CNTNAP2: variants seen among roughly 807,000 people sequenced by gnomAD.
CNTNAP2 encodes the protein contactin associated protein 2, also known as contactin-associated protein-like 2.
CNTNAP2 carries 98 observed loss-of-function variants against 155.2 expected under a neutral mutation model. That is an observed-to-expected ratio of 0.63 (90% CI 0.54 to 0.75). CNTNAP2 has a LOEUF of 0.75. CNTNAP2 is among the 30% of genes least tolerant of loss of function. The pLI is 0.00. For missense variants in CNTNAP2, 1,727 were observed against 1,688.1 expected (o/e 1.02, Z -0.40); for synonymous variants, 651 against 631.2 (o/e 1.03, Z -0.47).
chr7:146,160,948 C>T (rs1798212077), intron 1 of CNTNAP2, among the ~76,000 whole-genome samples: 1 of 152,140 alleles, frequency 6.6e-6, no homozygotes, highest in Non-Finnish European at 1.5e-5. Flanking sequence ...ATGCAAAAAT[C>T]CTCAATAAAA....
At chr7:146,711,673 T>A (rs1801074835) in intron 1 of CNTNAP2, among the ~76,000 whole-genome samples, 1 of 148,640 alleles carries the variant, frequency 6.7e-6, no homozygotes, top group Non-Finnish European at 1.5e-5. Flanking sequence ...CTATTTCGTA[T>A]ATATCTCATT....
chr7:147,570,075 C>T (rs916265869), intron 12 of CNTNAP2, among the ~76,000 whole-genome samples: 3 of 152,226 alleles, frequency 2.0e-5, no homozygotes, highest in Non-Finnish European at 4.4e-5. Flanking sequence ...ACTCGCTTTC[C>T]AGCGCTGACC....
At chr7:147,173,286 T>C (rs1802268770) in intron 8 of CNTNAP2, among the ~76,000 whole-genome samples, 1 of 148,742 alleles carries the variant, frequency 6.7e-6, no homozygotes, top group South Asian at 2.1e-4. Flanking sequence ...AAGTCCTACT[T>C]TTTTTTTTTA....
At chr7:146,875,241 AAACTTAT>A (rs1278115078) in intron 3 of CNTNAP2, among the ~76,000 whole-genome samples, 1 of 152,140 alleles carries the variant, frequency 6.6e-6, no homozygotes, top group African/African-American at 2.4e-5. Flanking sequence ...TTCTCTACAC[AAACTTAT>A]AACTGAAGGG....
At chr7:146,701,855 C>A (rs529474786) in intron 1 of CNTNAP2, among the ~76,000 whole-genome samples, 1 of 152,250 alleles carries the variant, frequency 6.6e-6, no homozygotes, top group South Asian at 2.1e-4. Flanking sequence ...TCAATCAATA[C>A]ACAATGCAAT....
intron 4 of CNTNAP2, among the ~76,000 whole-genome samples, chr7:147,051,061 C>T (rs1180917978): frequency 6.6e-6 from 1 of 151,842 alleles, no homozygotes; most frequent in South Asian, 2.1e-4. Flanking sequence ...ACCAGGATGA[C>T]CTTATCTTAA....
rs186155761 is a variant in CNTNAP2 at position 146,269,941 on chromosome 7, C to A, written c.97+152968C>A. Among the ~76,000 whole-genome samples, 671 of 152,232 alleles carry A rather than the reference C, an allele frequency of 4.4e-3. 2 individuals carry two copies. Among genetic ancestry groups the A allele is most frequent in the Non-Finnish European group, 7.6e-3 (519 of 68,020 alleles). Reference sequence around the variant, plus strand: ...TCTTCAGTTTCAAATATTGTAAGATCTTTTATATGCTGCTGTCTTTGTTAA... The same window carrying A: ...TCTTCAGTTTCAAATATTGTAAGATATTTTATATGCTGCTGTCTTTGTTAA... On this transcript the variant is annotated intron_variant, in intron 1 of 23. Transcript: ENST00000361727.
chr7:148,332,072 C>T (rs900012515), intron 21 of CNTNAP2, among the ~76,000 whole-genome samples: 3 of 151,336 alleles, frequency 2.0e-5, no homozygotes, highest in Admixed American at 2.0e-4. Flanking sequence ...AAATTGCTGT[C>T]ATCGTTTTGT....
At chr7:148,341,696 A>G (rs1007435238) in intron 21 of CNTNAP2, among the ~76,000 whole-genome samples, 3 of 152,122 alleles carry the variant, frequency 2.0e-5, no homozygotes, top group Non-Finnish European at 4.4e-5. Flanking sequence ...ACATTCCCGG[A>G]TGTCTGAGCT....
intron 3 of CNTNAP2, among the ~76,000 whole-genome samples, chr7:146,953,939 A>G (rs1484698669): frequency 6.6e-6 from 1 of 151,996 alleles, no homozygotes; most frequent in Non-Finnish European, 1.5e-5. Flanking sequence ...AATTAAAGGC[A>G]GTAGGGCACA....
chr7:148,061,074 C>T (rs1363842250), intron 15 of CNTNAP2, among the ~76,000 whole-genome samples: 2 of 151,648 alleles, frequency 1.3e-5, no homozygotes, highest in Non-Finnish European at 2.9e-5. Context: ...TAAAAGAAAC[C>T]CAGAAGAAAT....
At chr7:147,314,134 G>A (rs4574769) in intron 9 of CNTNAP2, among the ~76,000 whole-genome samples, 74,253 of 151,602 alleles carry the variant, frequency 0.49, 19,323 homozygotes, top group East Asian at 0.73. Flanking sequence ...ACTTTGCTGA[G>A]ATAAGAAATT....
chr7:146,980,346 C>A (rs958993481), intron 3 of CNTNAP2, among the ~76,000 whole-genome samples: 3 of 152,132 alleles, frequency 2.0e-5, no homozygotes, highest in Admixed American at 1.3e-4. Flanking sequence ...GAAACTCAAG[C>A]TGCTGTAACA....
intron 1 of CNTNAP2, among the ~76,000 whole-genome samples, chr7:146,395,246 A>G (rs1291982866): frequency 6.6e-6 from 1 of 152,136 alleles, no homozygotes; most frequent in Non-Finnish European, 1.5e-5. Flanking sequence ...TATCACCTCT[A>G]TTTAACAGCT....
intron 5 of CNTNAP2, among the ~76,000 whole-genome samples, chr7:147,111,218 GGTT>G (rs1489548607): frequency 6.6e-6 from 1 of 152,018 alleles, no homozygotes; most frequent in Non-Finnish European, 1.5e-5. Flanking sequence ...ATTTTTATGA[GGTT>G]GTTTTTGTCT....
intron 9 of CNTNAP2, among the ~76,000 whole-genome samples, chr7:147,336,406 G>A (rs1795665638): frequency 6.6e-6 from 1 of 152,104 alleles, no homozygotes; most frequent in Non-Finnish European, 1.5e-5. Flanking sequence ...TTTAAGCACA[G>A]CTATATGCAA....
At chr7:148,256,861 C>G (rs1489601976) in intron 20 of CNTNAP2, among the ~76,000 whole-genome samples, 1 of 152,188 alleles carries the variant, frequency 6.6e-6, no homozygotes, top group East Asian at 1.9e-4. Flanking sequence ...TAGGCCACCT[C>G]TGGCCTTGCC....
intron 13 of CNTNAP2, among the ~76,000 whole-genome samples, chr7:147,779,825 C>G (rs1403129792): frequency 6.6e-6 from 1 of 152,126 alleles, no homozygotes. Flanking sequence ...CAACTAGTTT[C>G]CTTATATAGG....
At chr7:146,981,124 C>T (rs1798009256) in intron 3 of CNTNAP2, among the ~76,000 whole-genome samples, 1 of 151,988 alleles carries the variant, frequency 6.6e-6, no homozygotes, top group Non-Finnish European at 1.5e-5. Flanking sequence ...GGGCAGTGAC[C>T]CATCTTCTGT....
Sources: gnomAD v4.1 joint callset for allele counts (sites outside exome capture counted in the v4.1 genomes callset) on GRCh38, gnomAD v4.1.1 for gene constraint, MANE v1.5 for transcripts, NCBI Gene and HGNC (gene_info 2026-07-23, HGNC 2026-07-21) for gene names.